The following DLGAP2 variants were observed in gnomAD, a reference collection of about 807,000 sequenced individuals.
The protein encoded by DLGAP2 is disks large-associated protein 2.
DLGAP2 carries 26 observed loss-of-function variants against 100.3 expected under a neutral mutation model. That is an observed-to-expected ratio of 0.26 (90% CI 0.19 to 0.36). The LOEUF (loss-of-function observed/expected upper bound fraction) is 0.36. Among genes scored for constraint, DLGAP2 ranks in the 10% least tolerant of loss-of-function variants. The probability of loss-of-function intolerance (pLI) is 1.00; values close to 1 mark genes in which losing one functional copy is unlikely to be tolerated. For missense variants in DLGAP2, 1,858 were observed against 1,453.2 expected (o/e 1.28, Z -4.53); for synonymous variants, 886 against 630.1 (o/e 1.41, Z -6.08).
At chr8:1,677,178 T>G (rs1798830545) in intron 11 of DLGAP2, among the ~76,000 whole-genome samples, 1 of 152,232 alleles carries the variant, frequency 6.6e-6, no homozygotes, top group Admixed American at 6.5e-5. Context: ...TGGTGAGGGC[T>G]CAGCCAATGT....
At chr8:1,641,226 C>T (rs777783748) in intron 8 of DLGAP2, among the ~76,000 whole-genome samples, 54 of 152,132 alleles carry the variant, frequency 3.5e-4, no homozygotes, top group Admixed American at 3.3e-3. Context: ...AGAAGGCGAG[C>T]GTGATGCAGA....
At chr8:963,127 C>A (rs1401355206) in intron 2 of DLGAP2, among the ~76,000 whole-genome samples, 2 of 152,140 alleles carry the variant, frequency 1.3e-5, no homozygotes, top group African/African-American at 4.8e-5. Flanking sequence ...CAGCGGTCAC[C>A]CCTCGGAGCT....
chr8:1,472,561 A>G (rs1277497291), intron 3 of DLGAP2, among the ~76,000 whole-genome samples: 1 of 152,190 alleles, frequency 6.6e-6, no homozygotes, highest in Non-Finnish European at 1.5e-5. Context: ...GAGTGCCAGC[A>G]GTGGAGACGC....
chr8:1,346,513 T>C (rs532689664), intron 3 of DLGAP2, among the ~76,000 whole-genome samples: 2 of 151,692 alleles, frequency 1.3e-5, no homozygotes, highest in South Asian at 4.2e-4. Flanking sequence ...GATAGCTGTG[T>C]GGAGGTTGAG....
At chr8:902,438 G>T (rs1026541473) in intron 1 of DLGAP2, among the ~76,000 whole-genome samples, 1 of 149,684 alleles carries the variant, frequency 6.7e-6, no homozygotes, top group Non-Finnish European at 1.5e-5. Context: ...GGAGAGTGGG[G>T]GGTCCAGGCG....
intron 2 of DLGAP2, among the ~76,000 whole-genome samples, chr8:1,242,860 A>G (rs1238328814): frequency 6.6e-6 from 1 of 151,808 alleles, no homozygotes; most frequent in African/African-American, 2.4e-5. Flanking sequence ...GGGCAGATGG[A>G]CGGATGTGTG....
rs79990097 is a variant in DLGAP2 at position 1,291,849 on chromosome 8, A to G, written c.106+32966A>G. Among the ~76,000 whole-genome samples, 1,048 of 152,256 alleles carry G rather than the reference A, an allele frequency of 6.9e-3. 40 individuals are homozygous for G. The highest frequency in any genetic ancestry group is 0.056 in the Admixed American group (859 of 15,292). ...CACTTTGTACTGCTCAGCAGGCCAT[A>G]TGGCTTAGTCTAATCACCCAGCCTT... On this transcript the variant is annotated intron_variant, in intron 3 of 14. Coordinates refer to ENST00000637795, the MANE Select transcript of DLGAP2 (RefSeq NM_001346810.2).
At chr8:1,150,703 G>A (rs1796683536) in intron 2 of DLGAP2, among the ~76,000 whole-genome samples, 1 of 152,186 alleles carries the variant, frequency 6.6e-6, no homozygotes, top group African/African-American at 2.4e-5. Context: ...CAAAATGGAT[G>A]AATATAACAC....
At chr8:1,127,641 C>T (rs573831690) in intron 2 of DLGAP2, among the ~76,000 whole-genome samples, 7 of 152,284 alleles carry the variant, frequency 4.6e-5, no homozygotes, top group African/African-American at 1.7e-4. Context: ...GCCCCAGGCC[C>T]CTCCTTTCCC....
chr8:943,042 G>A (rs546762069), intron 2 of DLGAP2, among the ~76,000 whole-genome samples: 81 of 152,320 alleles, frequency 5.3e-4, no homozygotes, highest in African/African-American at 1.9e-3. Flanking sequence ...TTGAGCTTGC[G>A]TGACTGACCA....
At chr8:1,163,701 C>T (rs1009770880) in intron 2 of DLGAP2, among the ~76,000 whole-genome samples, 1 of 152,296 alleles carries the variant, frequency 6.6e-6, no homozygotes, top group Admixed American at 6.5e-5. Context: ...CTTGTAATGA[C>T]TGGGCACATT....
chr8:1,555,483 C>G (rs900589054), intron 5 of DLGAP2, among the ~76,000 whole-genome samples: 11 of 152,206 alleles, frequency 7.2e-5, no homozygotes, highest in Non-Finnish European at 1.3e-4. Context: ...TTCCCCCCGG[C>G]CCCGACTGCC....
chr8:1,668,001 G>A (rs893507055), intron 8 of DLGAP2, among the ~76,000 whole-genome samples: 2 of 151,940 alleles, frequency 1.3e-5, no homozygotes, highest in African/African-American at 4.8e-5. Context: ...CTGTCCTGAG[G>A]GGACGCACGT....
intron 4 of DLGAP2, among the ~76,000 whole-genome samples, chr8:1,535,403 G>C (rs1287369476): frequency 6.6e-6 from 1 of 152,206 alleles, no homozygotes; most frequent in Non-Finnish European, 1.5e-5. Context: ...GCGCTTGCCT[G>C]GCCTCACCCC....
rs912016467 is a variant in DLGAP2, at chr8:1,431,203, C to T, written c.107-70163C>T. Among the ~76,000 whole-genome samples the T allele has an allele frequency of 3.3e-5, 5 of 152,134 alleles. No individual in the cohort carries two copies. In the East Asian group the frequency reaches 5.8e-4, roughly 18 times the overall value. The stretch of plus-strand genomic sequence containing the variant: ...AATGTCTTTCATGCCTGTTACAGGC[C>T]GTTAGCAAAAGTTACATTTTCTGTC... On this transcript the variant is annotated intron_variant, in intron 3 of 14. Coordinates refer to ENST00000637795, the MANE Select transcript of DLGAP2 (RefSeq NM_001346810.2).
intron 1 of DLGAP2, among the ~76,000 whole-genome samples, chr8:880,927 C>A (rs776605263): frequency 3.0e-4 from 46 of 152,236 alleles, no homozygotes; most frequent in African/African-American, 1.0e-3. Context: ...TAATTTATAA[C>A]TAGTCGTATC....
chr8:1,053,435 A>G (rs891314144), intron 2 of DLGAP2, among the ~76,000 whole-genome samples: 4 of 152,130 alleles, frequency 2.6e-5, no homozygotes, highest in South Asian at 2.1e-4. Context: ...CAGAGAAGGA[A>G]CCAGAAGGAC....
chr8:1,515,262 T>C (rs1239084253), intron 4 of DLGAP2, among the ~76,000 whole-genome samples: 2 of 152,130 alleles, frequency 1.3e-5, no homozygotes, highest in African/African-American at 4.8e-5. Flanking sequence ...TTCTTTCTTT[T>C]GAAGGGAAAA....
At chr8:1,073,811 AT>A (rs965716840) in intron 2 of DLGAP2, among the ~76,000 whole-genome samples, 1 of 152,192 alleles carries the variant, frequency 6.6e-6, no homozygotes, top group African/African-American at 2.4e-5. Context: ...ACACGTGGAT[AT>A]TTTTATCTTC....
Sources: gnomAD v4.1 joint callset for allele counts (sites outside exome capture counted in the v4.1 genomes callset) on GRCh38, gnomAD v4.1.1 for gene constraint, MANE v1.5 for transcripts, NCBI Gene and HGNC (gene_info 2026-07-23, HGNC 2026-07-21) for gene names.